Variants in WWP2 observed in about 807,000 individuals in gnomAD.
The protein encoded by WWP2 is NEDD4-like E3 ubiquitin-protein ligase WWP2.
A neutral mutation model predicts 121.0 loss-of-function variants in WWP2; 57 were observed. That is an observed-to-expected ratio of 0.47 (90% CI 0.38 to 0.59). The LOEUF (loss-of-function observed/expected upper bound fraction) is 0.59. Ranked by LOEUF, WWP2 falls within the 20% of genes least tolerant of loss-of-function variation. WWP2 has a pLI of 0.00. For synonymous variants in WWP2, 449 were observed against 441.3 expected (o/e 1.02, Z -0.22); for missense variants, 962 against 1,158.9 (o/e 0.83, Z 2.47).
rs1567686162 is a variant in WWP2 at position 69,823,562 on chromosome 16, G to GT, written c.341-16564_341-16563insT. ...TTGTTCACTGCAGCCTGTGCTCCTG[G>GT]GTTCAAGCGATTCTCCTGCCTCAGC... is the stretch of plus-strand genomic sequence containing the variant. On this transcript the variant is annotated intron_variant, in intron 4 of 23. Transcript: ENST00000359154. Among the ~76,000 whole-genome samples, 15 of 151,926 alleles carry GT rather than the reference G, an allele frequency of 9.9e-5. 1 individual carries two copies. Among genetic ancestry groups the GT allele is most frequent in the East Asian group, 3.9e-4 (2 of 5,162 alleles).
chr16:69,924,366 C>T (rs1015591650), intron 10 of WWP2, among the ~76,000 whole-genome samples: 2 of 152,022 alleles, frequency 1.3e-5, no homozygotes, highest in Non-Finnish European at 2.9e-5. Context: ...GCCTGAAGTC[C>T]GCATTTAGAA....
chr16:69,916,283 C>T (rs2058478561), intron 9 of WWP2, among the ~76,000 whole-genome samples: 1 of 152,096 alleles, frequency 6.6e-6, no homozygotes. Flanking sequence ...TAGCCTTGAT[C>T]TCCCAGGCAC....
intron 13 of WWP2, 103 bp from the exon 14 acceptor site, chr16:69,931,049 T>A (rs890934068): frequency 1.8e-6 from 2 of 1,086,724 alleles, no homozygotes; most frequent in African/African-American, 3.1e-5. Context: ...ACATTACTAA[T>A]CTTTAAATTA....
intron 6 of WWP2, among the ~76,000 whole-genome samples, chr16:69,846,646 C>T (rs1219150004): frequency 6.6e-6 from 1 of 151,588 alleles, no homozygotes; most frequent in African/African-American, 2.4e-5. Flanking sequence ...ACTTGAACCC[C>T]CGAGGTGGAG....
chr16:69,786,703 G>A (rs548507290), intron 1 of WWP2, among the ~76,000 whole-genome samples: 16 of 151,078 alleles, frequency 1.1e-4, no homozygotes, highest in African/African-American at 2.9e-4. Flanking sequence ...TGGCCATCTC[G>A]GCCTCCCAAA....
intron 1 of WWP2, among the ~76,000 whole-genome samples, chr16:69,777,130 GAT>G (rs199913689): frequency 7.0e-6 from 1 of 143,362 alleles, no homozygotes; most frequent in Non-Finnish European, 1.5e-5. Flanking sequence ...TACACATATG[GAT>G]ATATATACAC....
intron 6 of WWP2, among the ~76,000 whole-genome samples, chr16:69,849,247 G>A (rs1391570276): frequency 2.6e-5 from 4 of 152,232 alleles, no homozygotes; most frequent in African/African-American, 9.6e-5. Flanking sequence ...AGGGTGGATA[G>A]GAGCTGAGCC....
chr16:69,896,017 C>T (rs2058099661), intron 8 of WWP2, among the ~76,000 whole-genome samples: 1 of 152,210 alleles, frequency 6.6e-6, no homozygotes, highest in African/African-American at 2.4e-5. Flanking sequence ...AGAACTTAAA[C>T]TCTTATTTCC....
At chr16:69,870,728 T>C (rs968220490) in intron 6 of WWP2, among the ~76,000 whole-genome samples, 9 of 152,168 alleles carry the variant, frequency 5.9e-5, no homozygotes, top group Admixed American at 3.3e-4. Context: ...CATCTCACAG[T>C]TGCAAAGTAG....
intron 6 of WWP2, among the ~76,000 whole-genome samples, chr16:69,855,994 A>G (rs1181316528): frequency 1.3e-5 from 2 of 152,174 alleles, no homozygotes; most frequent in Non-Finnish European, 1.5e-5. Flanking sequence ...GTCTGAAGCC[A>G]GGCACAGTGG....
chr16:69,843,263 C>T (rs1022332888), intron 6 of WWP2, among the ~76,000 whole-genome samples: 2 of 151,852 alleles, frequency 1.3e-5, no homozygotes, highest in African/African-American at 4.8e-5. Context: ...CGCTTAGAGT[C>T]CAAATATTAT....
At chr16:69,780,232 A>G (rs2055635268) in intron 1 of WWP2, among the ~76,000 whole-genome samples, 1 of 149,152 alleles carries the variant, frequency 6.7e-6, no homozygotes, top group Non-Finnish European at 1.5e-5. Flanking sequence ...CACCAAAGAC[A>G]TCGTACTAAG....
rs765903105 is a variant in WWP2, at chr16:69,917,915, G to GC, written c.1179+34dup. The GC allele has an allele frequency of 4.4e-6, 7 of 1,594,330 alleles. No individual in the cohort carries two copies. The African/African-American group carries it at 9.5e-5, about 22-fold the overall frequency. On this transcript the variant is annotated intron_variant, in intron 10 of 23. Coordinates refer to ENST00000359154, the MANE Select transcript of WWP2 (RefSeq NM_001270454.2). Reference sequence around the variant, plus strand: ...GGGCAGGCGCTTGGCCCGAGGTGGGGCCGCCTCCCTGCGCTTGCGAATGTG... The same window carrying GC: ...GGGCAGGCGCTTGGCCCGAGGTGGGGCCCGCCTCCCTGCGCTTGCGAATGTG...
At chr16:69,794,295 C>T (rs1053675702) in intron 2 of WWP2, among the ~76,000 whole-genome samples, 2 of 152,086 alleles carry the variant, frequency 1.3e-5, no homozygotes, top group Non-Finnish European at 2.9e-5. Flanking sequence ...GAGGCTGAGG[C>T]GGGTGGATGA....
chr16:69,931,571 C>G lies in WWP2; in HGVS notation c.1584C>G (p.Ser528=). The change falls in exon 15 of 24, where the codon TCC becomes TCG. Residue 528 remains serine (S), a synonymous_variant. Coordinates refer to ENST00000359154, the MANE Select transcript of WWP2 (RefSeq NM_001270454.2). ...CCAGGCAGACGCTTTTCGAAGATTCCTTCCAACAGGTTAGATCATGGTGCC... is the reference window on the plus strand; with the variant it reads ...CCAGGCAGACGCTTTTCGAAGATTCGTTCCAACAGGTTAGATCATGGTGCC... ...SVSRQTLFED[S]FQQIMNMKPY... 6.2e-7 allele frequency: 1 copy of G among 1,613,992 alleles called. No homozygotes were observed. The highest frequency in any genetic ancestry group is 8.5e-7 in the Non-Finnish European group (1 of 1,180,006).
At chr16:69,936,099 C>G in intron 18 of WWP2, 113 bp downstream of exon 18, 1 of 1,498,520 alleles carries the variant, frequency 6.7e-7, no homozygotes, top group Non-Finnish European at 9.0e-7. Flanking sequence ...GAGCTCTTTT[C>G]CAGCCTCTAT....
chr16:69,877,841 G>A (rs1280771004), intron 7 of WWP2, among the ~76,000 whole-genome samples: 1 of 152,024 alleles, frequency 6.6e-6, no homozygotes, highest in Non-Finnish European at 1.5e-5. Context: ...GGAGTCTCAT[G>A]CTGTTGCCCA....
chr16:69,810,615 T>G (rs2056372637), intron 4 of WWP2, among the ~76,000 whole-genome samples: 2 of 151,516 alleles, frequency 1.3e-5, no homozygotes, highest in South Asian at 4.2e-4. Context: ...TTTTTTTTAG[T>G]AGAGATGGGG....
intron 4 of WWP2, among the ~76,000 whole-genome samples, chr16:69,822,342 C>G (rs1046342977): frequency 9.2e-5 from 14 of 152,180 alleles, no homozygotes; most frequent in Non-Finnish European, 1.5e-5. Flanking sequence ...CTTTGAATTC[C>G]GAGCTAGAGG....
Sources: gnomAD v4.1 joint callset for allele counts (sites outside exome capture counted in the v4.1 genomes callset) on GRCh38, gnomAD v4.1.1 for gene constraint, MANE v1.5 for transcripts, NCBI Gene and HGNC (gene_info 2026-07-23, HGNC 2026-07-21) for gene names.